The following MAML3 variants were observed in gnomAD, a reference collection of about 807,000 sequenced individuals.
MAML3 encodes the protein mastermind-like protein 3.
MAML3 carries 27 observed loss-of-function variants against 101.9 expected under a neutral mutation model. That is an observed-to-expected ratio of 0.27 (90% CI 0.20 to 0.37). The LOEUF (loss-of-function observed/expected upper bound fraction) is 0.37, where lower values mean the gene tolerates loss of function less well. Ranked by LOEUF, MAML3 falls within the 10% of genes least tolerant of loss-of-function variation. The pLI is 1.00. For missense variants in MAML3, 1,316 were observed against 1,444.9 expected, an observed-to-expected ratio of 0.91 and a Z score of 1.45; for synonymous variants, 501 against 555.9, an observed-to-expected ratio of 0.90 and a Z score of 1.39.
intron 1 of MAML3, among the ~76,000 whole-genome samples, chr4:140,055,330 A>T (rs1391564772): frequency 6.6e-6 from 1 of 152,224 alleles, no homozygotes; most frequent in African/African-American, 2.4e-5. Context: ...CTTGGTATGT[A>T]TGATAAACCA....
At position 140,149,938 on chromosome 4, in the gene MAML3, TC is replaced by T. The variant is rs1402033164; in HGVS notation, c.468+2921del. 2.8e-3 allele frequency among the ~76,000 whole-genome samples: 209 copies of T among 74,472 alleles called. 1 individual carries two copies. The East Asian group carries it at 0.045, about 16-fold the overall frequency. 48.9% of individuals were successfully genotyped at this position (74,472 alleles called of 152,430 possible). On this transcript the variant is annotated intron_variant, in intron 1 of 4. Coordinates refer to ENST00000509479, the MANE Select transcript of MAML3 (RefSeq NM_018717.5). Reference sequence around the variant, plus strand: ...ATATAACTTGTAGAGCATGTTTCTTTCTTTTTTTTTTTTTTTTTTGGTACAC... The same window carrying T: ...ATATAACTTGTAGAGCATGTTTCTTTTTTTTTTTTTTTTTTTTTGGTACAC...
At chr4:139,944,495 C>T (rs1733669512) in intron 1 of MAML3, among the ~76,000 whole-genome samples, 1 of 152,096 alleles carries the variant, frequency 6.6e-6, no homozygotes, top group African/African-American at 2.4e-5. Context: ...CATGTCCCTA[C>T]AAAGGACATG....
chr4:139,901,737 G>A (rs533058171), intron 1 of MAML3, among the ~76,000 whole-genome samples: 1 of 152,324 alleles, frequency 6.6e-6, no homozygotes, highest in Admixed American at 6.5e-5. Flanking sequence ...AGAACTAAGC[G>A]TGAGGTTTCG....
At chr4:139,756,950 A>G (rs4863684) in intron 2 of MAML3, among the ~76,000 whole-genome samples, 53,699 of 151,846 alleles carry the variant, frequency 0.35, 9,997 homozygotes, top group East Asian at 0.68. Flanking sequence ...TTGGAAGCGC[A>G]TTATCACAGC....
chr4:139,933,413 A>C (rs1174282824), intron 1 of MAML3, among the ~76,000 whole-genome samples: 1 of 152,186 alleles, frequency 6.6e-6, no homozygotes, highest in African/African-American at 2.4e-5. Context: ...ACCCCAAACC[A>C]TCTTCCAAAT....
At chr4:139,836,823 T>C (rs1376849922) in intron 2 of MAML3, among the ~76,000 whole-genome samples, 3 of 152,136 alleles carry the variant, frequency 2.0e-5, no homozygotes, top group Admixed American at 6.5e-5. Context: ...TTTAATTTGC[T>C]AAAGAATTAC....
At chr4:139,738,286 G>A (rs1042749419) in intron 2 of MAML3, among the ~76,000 whole-genome samples, 1 of 152,268 alleles carries the variant, frequency 6.6e-6, no homozygotes, top group African/African-American at 2.4e-5. Context: ...GCTCACGCCT[G>A]TAATCCCAGC....
chr4:140,122,022 C>T (rs566472033), intron 1 of MAML3, among the ~76,000 whole-genome samples: 1 of 152,254 alleles, frequency 6.6e-6, no homozygotes, highest in African/African-American at 2.4e-5. Flanking sequence ...GCTGTGTTTG[C>T]TTCTCCTTCC....
chr4:139,881,288 A>T (rs1308694609), intron 2 of MAML3, among the ~76,000 whole-genome samples: 1 of 152,182 alleles, frequency 6.6e-6, no homozygotes, highest in East Asian at 1.9e-4. Context: ...TGGGTTGAGG[A>T]GCCATATGAA....
intron 1 of MAML3, among the ~76,000 whole-genome samples, chr4:139,900,503 A>C (rs1184648681): frequency 6.6e-6 from 1 of 152,208 alleles, no homozygotes; most frequent in Admixed American, 6.5e-5. Flanking sequence ...AAATTTCCAA[A>C]TACATAAATG....
intron 2 of MAML3, among the ~76,000 whole-genome samples, chr4:139,852,420 T>G (rs1396291642): frequency 3.6e-5 from 5 of 139,996 alleles, no homozygotes; most frequent in African/African-American, 8.2e-5. Flanking sequence ...TTTTTTTTTT[T>G]TTTTTTTTTT....
chr4:139,835,551 A>G (rs1731242969), intron 2 of MAML3, among the ~76,000 whole-genome samples: 1 of 152,214 alleles, frequency 6.6e-6, no homozygotes, highest in Non-Finnish European at 1.5e-5. Context: ...ACCCATGATA[A>G]TACTATACAG....
intron 2 of MAML3, among the ~76,000 whole-genome samples, chr4:139,825,260 G>T (rs967158154): frequency 6.6e-6 from 1 of 152,136 alleles, no homozygotes; most frequent in Non-Finnish European, 1.5e-5. Flanking sequence ...GGTGGGGTGA[G>T]GGGTGGCTGT....
chr4:140,121,938 G>A (rs1016203517), intron 1 of MAML3, among the ~76,000 whole-genome samples: 1 of 152,116 alleles, frequency 6.6e-6, no homozygotes, highest in Non-Finnish European at 1.5e-5. Flanking sequence ...GTTCTCACGA[G>A]ATCTGATGGT....
intron 1 of MAML3, among the ~76,000 whole-genome samples, chr4:140,075,267 T>A (rs1271532372): frequency 6.6e-6 from 1 of 152,188 alleles, no homozygotes; most frequent in Non-Finnish European, 1.5e-5. Context: ...AGGTTATGTC[T>A]CCTTCCAGTG....
At chr4:140,001,820 T>C (rs1046361921) in intron 1 of MAML3, among the ~76,000 whole-genome samples, 6 of 152,244 alleles carry the variant, frequency 3.9e-5, no homozygotes, top group African/African-American at 1.4e-4. Flanking sequence ...ACTGGGAGGC[T>C]TTTTACTTTT....
chr4:140,048,749 A>G (rs1455422670), intron 1 of MAML3, among the ~76,000 whole-genome samples: 1 of 152,166 alleles, frequency 6.6e-6, no homozygotes, highest in Non-Finnish European at 1.5e-5. Flanking sequence ...CAAGACTGAA[A>G]ATCGTAACGA....
rs190529483 is a variant in MAML3 at position 139,987,767 on chromosome 4, C to A, written c.469-96800G>T. On this transcript the variant is annotated intron_variant, in intron 1 of 4. Coordinates refer to ENST00000509479, the MANE Select transcript of MAML3 (RefSeq NM_018717.5). Reference sequence around the variant, plus strand: ...GGGCCCCGTGGCTCACACCTGTAATCCCAGCACTTTGGAAGGCCGAGGCAG... The same window carrying A: ...GGGCCCCGTGGCTCACACCTGTAATACCAGCACTTTGGAAGGCCGAGGCAG... 2.0e-5 allele frequency among the ~76,000 whole-genome samples: 3 copies of A among 152,156 alleles called. No individual in the cohort carries two copies. The East Asian group carries it at 5.8e-4, about 29-fold the overall frequency.
At chr4:139,855,495 G>C (rs2111159831) in intron 2 of MAML3, among the ~76,000 whole-genome samples, 1 of 152,206 alleles carries the variant, frequency 6.6e-6, no homozygotes, top group African/African-American at 2.4e-5. Flanking sequence ...TATCATCCTA[G>C]TGGCATATCT....
Sources: allele counts gnomAD v4.1 joint callset (sites outside exome capture counted in the v4.1 genomes callset), GRCh38; gene constraint gnomAD v4.1.1; transcripts MANE v1.5; gene names NCBI Gene and HGNC (gene_info 2026-07-23, HGNC 2026-07-21).